EPB41L5: variants seen among roughly 807,000 people sequenced by gnomAD.
The protein encoded by EPB41L5 is band 4.1-like protein 5.
Under a neutral mutation model 106.6 loss-of-function variants are expected in EPB41L5, and 55 were observed. That is an observed-to-expected ratio of 0.52 (90% CI 0.42 to 0.65). The LOEUF (loss-of-function observed/expected upper bound fraction) is 0.65, where lower values mean the gene tolerates loss of function less well. Ranked by LOEUF, EPB41L5 falls within the 30% of genes least tolerant of loss-of-function variation. The pLI, the probability that EPB41L5 is intolerant of heterozygous loss-of-function variation, is 0.00. For missense variants in EPB41L5, 871 were observed against 882.1 expected, an observed-to-expected ratio of 0.99 and a Z score of 0.16; for synonymous variants, 297 against 306.7, an observed-to-expected ratio of 0.97 and a Z score of 0.33.
At chr2:120,128,089 C>A (rs1384235506) in intron 17 of EPB41L5, 3 of 296,814 alleles carry the variant, frequency 1.0e-5, no homozygotes, top group Non-Finnish European at 1.8e-5. Flanking sequence ...TAAGAGTCTT[C>A]AAACTTGCTT....
intron 3 of EPB41L5, among the ~76,000 whole-genome samples, chr2:120,043,694 G>T (rs910882121): frequency 6.6e-6 from 1 of 152,146 alleles, no homozygotes; most frequent in Non-Finnish European, 1.5e-5. Context: ...GCAGTGAGCT[G>T]TGATTGCACC....
At chr2:120,119,143 G>A (rs916749204) in intron 16 of EPB41L5, among the ~76,000 whole-genome samples, 5 of 152,052 alleles carry the variant, frequency 3.3e-5, no homozygotes, top group African/African-American at 1.2e-4. Context: ...TTTGAAAAGT[G>A]TCTGTTCATG....
At chr2:120,038,668 C>T (rs945007462) in intron 2 of EPB41L5, among the ~76,000 whole-genome samples, 8 of 152,272 alleles carry the variant, frequency 5.3e-5, no homozygotes, top group Admixed American at 1.3e-4. Context: ...GCATGAGAAT[C>T]GCTTGAAACC....
At chr2:120,139,847 C>G (rs376718151) in intron 18 of EPB41L5, among the ~76,000 whole-genome samples, 1 of 151,924 alleles carries the variant, frequency 6.6e-6, no homozygotes, top group East Asian at 1.9e-4. Flanking sequence ...ATCAGTATAT[C>G]GAAGAGATAT....
At position 120,168,010 on chromosome 2, in the gene EPB41L5, G is replaced by T. The variant is rs1285561110; in HGVS notation, c.2135+3G>T. 6 of 1,613,872 alleles carry T rather than the reference G, an allele frequency of 3.7e-6. No homozygotes were observed. Among genetic ancestry groups the T allele is most frequent in the Non-Finnish European group, 5.1e-6 (6 of 1,179,818 alleles). On this transcript the variant is annotated splice_donor_region_variant and intron_variant, in intron 24 of 24. Coordinates refer to ENST00000263713, the MANE Select transcript of EPB41L5 (RefSeq NM_020909.4). ...TTCTTGGTAGATGCTGTGACCAGGT[G>T]AGAAAATTATTTCTCATTTGCAGTT...
chr2:120,102,765 T>C (rs1333126243), intron 16 of EPB41L5, among the ~76,000 whole-genome samples: 1 of 152,196 alleles, frequency 6.6e-6, no homozygotes, highest in Non-Finnish European at 1.5e-5. Flanking sequence ...TTAGAGCAAA[T>C]GATTTGGCAT....
intron 16 of EPB41L5, among the ~76,000 whole-genome samples, chr2:120,109,650 T>A (rs1335484628): frequency 6.6e-6 from 1 of 152,176 alleles, no homozygotes; most frequent in Non-Finnish European, 1.5e-5. Context: ...CTGCATCGGT[T>A]TTCCCTTTCT....
Position 120,143,508 on chromosome 2 carries a change from A to G in EPB41L5, c.1728+377A>G, listed in dbSNP as rs535950246. On this transcript the variant is annotated intron_variant, in intron 19 of 24. Transcript: ENST00000263713. Reference sequence around the variant, plus strand: ...TACAAGGTGAAGAGTTGGCTGTGCCATGGTGAAGGATGGAGGGGGTAGGGA... The same window carrying G: ...TACAAGGTGAAGAGTTGGCTGTGCCGTGGTGAAGGATGGAGGGGGTAGGGA... Among the ~76,000 whole-genome samples the G allele has an allele frequency of 5.9e-5, 9 of 152,270 alleles. 1 individual carries two copies. In the South Asian group the frequency reaches 1.2e-3, roughly 21 times the overall value.
chr2:120,074,416 C>CT (rs1158227868), intron 5 of EPB41L5: 37 of 370,432 alleles, frequency 1.0e-4, no homozygotes, highest in Non-Finnish European at 1.4e-4. Flanking sequence ...CTAGTGAGTT[C>CT]TTTTTTTTAA....
At chr2:120,104,701 C>T in intron 16 of EPB41L5, 1 of 971,498 alleles carries the variant, frequency 1.0e-6, no homozygotes, top group Non-Finnish European at 1.2e-6. Flanking sequence ...TGTTCTTATA[C>T]ACTATTTTAA....
At chr2:120,097,029 T>G (rs1248605844) in intron 14 of EPB41L5, among the ~76,000 whole-genome samples, 1 of 152,226 alleles carries the variant, frequency 6.6e-6, no homozygotes, top group Non-Finnish European at 1.5e-5. Context: ...TAGGAGGTTT[T>G]TCTTTAAGAT....
At chr2:120,121,547 C>T (rs968325810) in intron 16 of EPB41L5, among the ~76,000 whole-genome samples, 14 of 152,118 alleles carry the variant, frequency 9.2e-5, no homozygotes, top group Admixed American at 3.3e-4. Flanking sequence ...TTTTTATGGC[C>T]GCATAGTATT....
At chr2:120,082,440 C>A (rs1486379771) in intron 10 of EPB41L5, among the ~76,000 whole-genome samples, 11 of 152,112 alleles carry the variant, frequency 7.2e-5, no homozygotes, top group Non-Finnish European at 4.4e-5. Flanking sequence ...ACCAGCCTTG[C>A]GTCCCAGGGA....
At chr2:120,116,685 AT>A (rs894429431) in intron 16 of EPB41L5, among the ~76,000 whole-genome samples, 2 of 151,914 alleles carry the variant, frequency 1.3e-5, no homozygotes, top group Non-Finnish European at 2.9e-5. Context: ...CACCTGGCTA[AT>A]TTTTTTATTT....
At chr2:120,056,897 T>C (rs1680691032) in intron 3 of EPB41L5, among the ~76,000 whole-genome samples, 1 of 152,110 alleles carries the variant, frequency 6.6e-6, no homozygotes, top group Admixed American at 6.6e-5. Context: ...TATTCAGATT[T>C]TCTTTTCTTT....
intron 16 of EPB41L5, chr2:120,106,045 G>A: frequency 4.1e-6 from 4 of 984,894 alleles, no homozygotes; most frequent in Non-Finnish European, 4.8e-6. Context: ...TATCTTAGCA[G>A]ATTGTAATTG....
chr2:120,162,073 T>C (rs1687160130), intron 21 of EPB41L5, among the ~76,000 whole-genome samples: 1 of 152,244 alleles, frequency 6.6e-6, no homozygotes, highest in Non-Finnish European at 1.5e-5. Flanking sequence ...CAAGCAATTC[T>C]ACTACCTTGG....
intron 16 of EPB41L5, among the ~76,000 whole-genome samples, chr2:120,116,198 T>C (rs1019415157): frequency 6.6e-6 from 1 of 152,230 alleles, no homozygotes; most frequent in African/African-American, 2.4e-5. Context: ...ATGTAAACTT[T>C]GCTTCTATAG....
intron 20 of EPB41L5, among the ~76,000 whole-genome samples, chr2:120,156,695 T>C (rs1026350850): frequency 6.6e-6 from 1 of 152,160 alleles, no homozygotes; most frequent in African/African-American, 2.4e-5. Flanking sequence ...CACACAGACC[T>C]GTATTACATA....
Sources: gnomAD v4.1 joint callset for allele counts (sites outside exome capture counted in the v4.1 genomes callset) on GRCh38, gnomAD v4.1.1 for gene constraint, MANE v1.5 for transcripts, NCBI Gene and HGNC (gene_info 2026-07-23, HGNC 2026-07-21) for gene names.